The following ADAM12 variants were observed in gnomAD, a reference collection of about 807,000 sequenced individuals.
ADAM12 encodes disintegrin and metalloproteinase domain-containing protein 12.
A neutral mutation model predicts 106.4 loss-of-function variants in ADAM12; 70 were observed. That is an observed-to-expected ratio of 0.66 (90% confidence interval 0.54 to 0.80). The LOEUF (loss-of-function observed/expected upper bound fraction) is 0.80, where lower values mean the gene tolerates loss of function less well. Among genes scored for constraint, ADAM12 ranks in the 30% least tolerant of loss-of-function variants. The pLI, the probability that ADAM12 is intolerant of heterozygous loss-of-function variation, is 0.00. For synonymous variants in ADAM12, 420 were observed against 433.5 expected, an observed-to-expected ratio of 0.97 and a Z score of 0.39; for missense variants, 1,010 against 1,171.9, an observed-to-expected ratio of 0.86 and a Z score of 2.02.
At chr10:126,175,888 C>G (rs1047883449) in intron 3 of ADAM12, among the ~76,000 whole-genome samples, 20 of 152,222 alleles carry the variant, frequency 1.3e-4, no homozygotes, top group African/African-American at 4.8e-4. Flanking sequence ...AGAGCCCAGT[C>G]AGCATTTAAG....
chr10:126,086,241 TA>T lies in ADAM12; in HGVS notation c.1145+7743del, dbSNP rs143767477. 4.2e-3 allele frequency among the ~76,000 whole-genome samples: 644 copies of T among 152,178 alleles called. 6 individuals are homozygous for T. The highest frequency in any genetic ancestry group is 0.042 in the East Asian group (218 of 5,162). On this transcript the variant is annotated intron_variant, in intron 11 of 22. Coordinates refer to ENST00000448723, the MANE Select transcript of ADAM12 (RefSeq NM_001288973.2). ...TACTGAGGCAGCTTTAGTTCTCTCATAAAGCCCAGATGTGTTCACGGCCACT... is the reference window on the plus strand; with the variant it reads ...TACTGAGGCAGCTTTAGTTCTCTCATAAGCCCAGATGTGTTCACGGCCACT...
At chr10:126,041,144 T>C (rs1361553295) in intron 18 of ADAM12, among the ~76,000 whole-genome samples, 1 of 152,120 alleles carries the variant, frequency 6.6e-6, no homozygotes, top group Non-Finnish European at 1.5e-5. Context: ...CCTCTCTCCC[T>C]GCAGTCGTAC....
intron 13 of ADAM12, 148 bp from the exon 14 acceptor site, chr10:126,065,149 C>T: frequency 1.2e-6 from 1 of 817,200 alleles, no homozygotes; most frequent in South Asian, 1.9e-5. Flanking sequence ...TGTAGAGATA[C>T]CTCATTAAAT....
chr10:126,319,989 G>T (rs937303721), intron 2 of ADAM12, among the ~76,000 whole-genome samples: 1 of 152,026 alleles, frequency 6.6e-6, no homozygotes, highest in Admixed American at 6.5e-5. Context: ...GACCATTTAC[G>T]TGTGGTGCCC....
intron 2 of ADAM12, among the ~76,000 whole-genome samples, chr10:126,297,009 G>A (rs1324691392): frequency 6.6e-6 from 1 of 152,218 alleles, no homozygotes; most frequent in Non-Finnish European, 1.5e-5. Context: ...TTGGTGAGAT[G>A]TCAAGAAATG....
intron 11 of ADAM12, among the ~76,000 whole-genome samples, chr10:126,091,831 T>C (rs1377648173): frequency 6.6e-6 from 1 of 152,200 alleles, no homozygotes; most frequent in Non-Finnish European, 1.5e-5. Flanking sequence ...AGAGTCTTCA[T>C]CATCTGTGCA....
chr10:126,303,975 C>G (rs935747459), intron 2 of ADAM12, among the ~76,000 whole-genome samples: 1 of 152,068 alleles, frequency 6.6e-6, no homozygotes, highest in Non-Finnish European at 1.5e-5. Context: ...TTGATCAGAC[C>G]TCCTCCAGAG....
rs112685080 is a variant in ADAM12, at chr10:126,042,873, TGA to T, written c.2104+165_2104+166del. ...AGCCTCAGAGAAGATCGGGCAGGGA[TGA>T]GAGGGGCATCTGGAAACTGCGGGAG... is the stretch of plus-strand genomic sequence containing the variant. On this transcript the variant is annotated intron_variant, in intron 18 of 22. Transcript: ENST00000448723. 2.8e-3 allele frequency among the ~76,000 whole-genome samples: 423 copies of T among 152,284 alleles called. 3 individuals carry two copies. The highest frequency in any genetic ancestry group is 9.8e-3 in the African/African-American group (406 of 41,552).
chr10:126,063,390 G>T (rs1233906832), intron 14 of ADAM12, among the ~76,000 whole-genome samples: 1 of 152,194 alleles, frequency 6.6e-6, no homozygotes, highest in African/African-American at 2.4e-5. Flanking sequence ...TGTTTTCCAT[G>T]CCTGGGCGTG....
At chr10:126,322,785 A>G (rs1316857019) in intron 2 of ADAM12, among the ~76,000 whole-genome samples, 1 of 152,196 alleles carries the variant, frequency 6.6e-6, no homozygotes, top group Non-Finnish European at 1.5e-5. Flanking sequence ...TGCAGGTTCC[A>G]ACATCCACGG....
At chr10:126,369,229 A>G (rs889820005) in intron 1 of ADAM12, among the ~76,000 whole-genome samples, 18 of 152,226 alleles carry the variant, frequency 1.2e-4, no homozygotes, top group African/African-American at 4.3e-4. Context: ...TGTTGAAATG[A>G]AAAAGCAGCA....
chr10:126,155,627 T>C (rs927357319), intron 3 of ADAM12, among the ~76,000 whole-genome samples: 5 of 152,160 alleles, frequency 3.3e-5, no homozygotes, highest in Non-Finnish European at 7.3e-5. Flanking sequence ...CACACATTTG[T>C]CACACACATA....
chr10:126,311,094 TACACACACAC>T lies in ADAM12; in HGVS notation c.186+19308_186+19317del, dbSNP rs67514376. On this transcript the variant is annotated intron_variant, in intron 2 of 22. Transcript: ENST00000448723. ...CTTCCTCATTATACATACACACAAA[TACACACACAC>T]ACACACACACACACACACACACACA... 9.5e-3 allele frequency among the ~76,000 whole-genome samples: 1,316 copies of T among 138,554 alleles called. 12 individuals are homozygous for T. Among genetic ancestry groups the T allele is most frequent in the African/African-American group, 0.018 (660 of 37,512 alleles). 90.9% of individuals were successfully genotyped at this position (138,554 alleles called of 152,430 possible).
intron 18 of ADAM12, chr10:126,041,434 G>A: frequency 1.0e-6 from 1 of 985,674 alleles, no homozygotes; most frequent in Non-Finnish European, 1.2e-6. Flanking sequence ...ATTCTTACTT[G>A]TTAAATGAAG....
intron 11 of ADAM12, among the ~76,000 whole-genome samples, chr10:126,081,219 G>A (rs762792568): frequency 6.6e-6 from 1 of 152,062 alleles, no homozygotes; most frequent in South Asian, 2.1e-4. Flanking sequence ...GAGTGCTGAC[G>A]GCAGGAAAGG....
At chr10:126,057,943 G>T (rs888008021) in intron 14 of ADAM12, among the ~76,000 whole-genome samples, 1 of 152,182 alleles carries the variant, frequency 6.6e-6, no homozygotes, top group East Asian at 1.9e-4. Flanking sequence ...AATGGCAGAG[G>T]TATGCACATA....
intron 3 of ADAM12, among the ~76,000 whole-genome samples, chr10:126,214,633 A>G (rs1957955353): frequency 6.6e-6 from 1 of 152,182 alleles, no homozygotes; most frequent in Non-Finnish European, 1.5e-5. Flanking sequence ...TTTTGCAGTG[A>G]TTGAGTTTCT....
At chr10:126,229,218 GT>G (rs932615482) in intron 3 of ADAM12, among the ~76,000 whole-genome samples, 11 of 152,128 alleles carry the variant, frequency 7.2e-5, no homozygotes, top group Non-Finnish European at 1.3e-4. Flanking sequence ...GGGGCTTCCG[GT>G]GGAGGGAGGG....
intron 21 of ADAM12, among the ~76,000 whole-genome samples, chr10:126,028,517 C>T (rs189078878): frequency 1.3e-5 from 2 of 152,188 alleles, no homozygotes; most frequent in African/African-American, 4.8e-5. Context: ...CGCCTACAAC[C>T]ATCTGATCTT....
Sources: allele counts gnomAD v4.1 joint callset (sites outside exome capture counted in the v4.1 genomes callset), GRCh38; gene constraint gnomAD v4.1.1; transcripts MANE v1.5; gene names NCBI Gene and HGNC (gene_info 2026-07-23, HGNC 2026-07-21).